The following ZNF185 variants were observed in gnomAD, a reference collection of about 807,000 sequenced individuals.
ZNF185 encodes the protein zinc finger protein 185 with LIM domain.
A neutral mutation model predicts 58.6 loss-of-function variants in ZNF185; 56 were observed. The ratio of observed to expected loss-of-function variants is 0.95; its 90% CI spans 0.77 to 1.19. The LOEUF (loss-of-function observed/expected upper bound fraction) is 1.19, where lower values mean the gene tolerates loss of function less well. Ranked by LOEUF, ZNF185 falls within the 50% of genes most tolerant of loss-of-function variation. The pLI is 0.00. For synonymous variants in ZNF185, 230 were observed against 215.9 expected (o/e 1.07, Z -0.57); for missense variants, 627 against 573.5 (o/e 1.09, Z -0.95).
At chrX:152,941,700 C>G in intron 15 of ZNF185, 1 of 1,164,539 alleles carries the variant, frequency 8.6e-7, no homozygotes, top group Non-Finnish European at 1.1e-6. Flanking sequence ...CGACCGTCCA[C>G]AAAGTGAAAT....
At chrX:152,927,649 G>A (rs1004952014) in intron 11 of ZNF185, among the ~76,000 whole-genome samples, 4 of 111,614 alleles carry the variant, frequency 3.6e-5, no homozygotes, top group Admixed American at 9.5e-5. Context: ...GGCCTGGGTC[G>A]GGCTATGCCT....
chrX:152,939,229 G>T (rs2046845037), intron 15 of ZNF185, among the ~76,000 whole-genome samples: 1 of 107,543 alleles, frequency 9.3e-6, no homozygotes, highest in Non-Finnish European at 1.9e-5. Context: ...GCTGGGGTGG[G>T]CAATGGATAT....
the ZNF185 span, among the ~76,000 whole-genome samples, chrX:152,904,445 C>G: frequency 2.7e-5 from 3 of 112,933 alleles, no homozygotes; most frequent in South Asian, 1.1e-3. Flanking sequence ...GTTGCCTTGC[C>G]AGCTGCTGAG....
the ZNF185 span, among the ~76,000 whole-genome samples, chrX:152,899,057 C>T: frequency 9.0e-6 from 1 of 111,585 alleles, no homozygotes; most frequent in Non-Finnish European, 1.9e-5. Flanking sequence ...GGGTGTGTCC[C>T]GGCTTTGGGA....
chrX:152,927,113 A>T (rs1791765653), intron 11 of ZNF185, among the ~76,000 whole-genome samples: 1 of 112,348 alleles, frequency 8.9e-6, no homozygotes, highest in African/African-American at 3.2e-5. Context: ...CCAGTGAGAA[A>T]ATATGTTGTG....
At chrX:152,916,449 C>T (rs781961447) in intron 3 of ZNF185, among the ~76,000 whole-genome samples, 25 of 111,930 alleles carry the variant, frequency 2.2e-4, no homozygotes, top group Admixed American at 5.6e-4. Context: ...TATCTGAGCC[C>T]CCTCAGTTGC....
chrX:152,959,796 G>A (rs2049278597), exon 17 of ZNF185: 1 of 1,210,524 alleles, frequency 8.3e-7, no homozygotes, highest in Admixed American at 2.2e-5. Context: ...AGGAGACCCA[G>A]CTGTACCCAC....
At chrX:152,921,525 C>CG (rs1939717588) in intron 9 of ZNF185, among the ~76,000 whole-genome samples, 1 of 3,066 alleles carries the variant, frequency 3.3e-4, no homozygotes, top group Non-Finnish European at 5.6e-4. Context: ...TGACAGAGAA[C>CG]GGGGGGCGGT....
chrX:152,918,556 TGTCA>T (rs1477704274), intron 6 of ZNF185, among the ~76,000 whole-genome samples: 1 of 112,827 alleles, frequency 8.9e-6, no homozygotes, highest in Non-Finnish European at 1.9e-5. Context: ...AGGGTGCTGC[TGTCA>T]GTCTGAGCAT....
exon 23 of ZNF185, chrX:152,972,792 A>G (rs1395223105): frequency 8.9e-6 from 1 of 111,737 alleles, no homozygotes; most frequent in Non-Finnish European, 1.9e-5. Flanking sequence ...GGACTCTGCC[A>G]TCTGTGGGCC....
At chrX:152,940,648 T>C (rs1447448389) in intron 15 of ZNF185, among the ~76,000 whole-genome samples, 2 of 111,871 alleles carry the variant, frequency 1.8e-5, no homozygotes, top group Non-Finnish European at 3.8e-5. Flanking sequence ...TTCAGACCTT[T>C]AAAAGGTGCT....
At chrX:152,917,550 T>C (rs1190904118) in intron 5 of ZNF185, among the ~76,000 whole-genome samples, 188 bp downstream of exon 6, 1 of 111,507 alleles carries the variant, frequency 9.0e-6, no homozygotes, top group Admixed American at 9.4e-5. Context: ...GGGGTGGGAC[T>C]GGCAGTCCCA....
At chrX:152,904,581 C>G in the ZNF185 span, among the ~76,000 whole-genome samples, 4 of 112,654 alleles carry the variant, frequency 3.6e-5, no homozygotes, top group Non-Finnish European at 7.5e-5. Context: ...AGCACCCGCA[C>G]CGGCTTAAAT....
exon 21 of ZNF185, chrX:152,969,390 G>A (rs1556917102): frequency 5.0e-6 from 6 of 1,204,971 alleles, no homozygotes; most frequent in Non-Finnish European, 6.7e-6. Flanking sequence ...AGGACAACTG[G>A]AGGGATCTGT....
At chrX:152,916,486 A>G (rs1231064214) in intron 3 of ZNF185, among the ~76,000 whole-genome samples, 1 of 111,983 alleles carries the variant, frequency 8.9e-6, no homozygotes, top group African/African-American at 3.2e-5. Context: ...CCAAGCACCC[A>G]GAGCCTAATG....
chrX:152,936,120 C>T lies in ZNF185; in HGVS notation c.1122-1954C>T, dbSNP rs181480390. ...ATACTTACGAGACAGACATGATTAG[C>T]ATCCCTATTTCATTGATGGTAAAAC... On this transcript the variant is annotated intron_variant, in intron 14 of 22. Coordinates refer to ENST00000449285, the Ensembl canonical transcript of ZNF185. Among the ~76,000 whole-genome samples the T allele has an allele frequency of 3.6e-5, 4 of 112,495 alleles. No homozygotes were observed. The East Asian group carries it at 1.1e-3, about 31-fold the overall frequency.
At chrX:152,903,412 A>G in the ZNF185 span, among the ~76,000 whole-genome samples, 4 of 104,132 alleles carry the variant, frequency 3.8e-5, no homozygotes, top group South Asian at 4.3e-4. Context: ...AAAAAAAAAA[A>G]AAAGAAAAGG....
At chrX:152,917,919 C>T (rs1377532139) in intron 5 of ZNF185, 146 bp from the exon 7 acceptor site, 1 of 1,106,007 alleles carries the variant, frequency 9.0e-7, no homozygotes. Context: ...TGGCGCAGTT[C>T]CGGGTGTCTG....
At chrX:152,931,967 AGAAT>A (rs1556877859) in intron 13 of ZNF185, among the ~76,000 whole-genome samples, 191 bp downstream of exon 14, 1 of 112,607 alleles carries the variant, frequency 8.9e-6, no homozygotes, top group Non-Finnish European at 1.9e-5. Context: ...AAAGAAAGAA[AGAAT>A]GAATGAATGA....
Sources: allele counts gnomAD v4.1 joint callset (sites outside exome capture counted in the v4.1 genomes callset), GRCh38; gene constraint gnomAD v4.1.1; transcripts MANE v1.5; gene names NCBI Gene and HGNC (gene_info 2026-07-23, HGNC 2026-07-21).